The following RASSF5 variants were observed in gnomAD, a reference collection of about 807,000 sequenced individuals.
RASSF5 encodes the protein Ras association domain family member 5.
A neutral mutation model predicts 40.5 loss-of-function variants in RASSF5; 25 were observed. The ratio of observed to expected loss-of-function variants is 0.62; its 90% confidence interval spans 0.45 to 0.86. RASSF5 has a LOEUF of 0.86. RASSF5 is among the 40% of genes least tolerant of loss of function. The probability of loss-of-function intolerance (pLI) is 0.00; values close to 1 mark genes in which losing one functional copy is unlikely to be tolerated. For synonymous variants in RASSF5, 246 were observed against 252.4 expected (o/e 0.97, Z 0.24); for missense variants, 521 against 572.8 (o/e 0.91, Z 0.92).
intron 2 of RASSF5, among the ~76,000 whole-genome samples, chr1:206,582,171 G>C (rs1408775013): frequency 1.3e-5 from 2 of 152,200 alleles, no homozygotes; most frequent in Non-Finnish European, 2.9e-5. Context: ...GTGAACTTGA[G>C]AGAGAGCCAG....
chr1:206,557,458 A>G, intron 2 of RASSF5: 1 of 1,475,608 alleles, frequency 6.8e-7, no homozygotes, highest in East Asian at 2.5e-5. Context: ...CTCGGGGCTC[A>G]GAGCTAGGGG....
chr1:206,555,622 C>A (rs1189293255), intron 2 of RASSF5, among the ~76,000 whole-genome samples: 13 of 152,212 alleles, frequency 8.5e-5, no homozygotes, highest in Non-Finnish European at 1.3e-4. Context: ...CGGTAGCTCA[C>A]CCCAGCCCCG....
intron 1 of RASSF5, among the ~76,000 whole-genome samples, chr1:206,537,706 G>A (rs1238932090): frequency 1.3e-5 from 2 of 152,138 alleles, no homozygotes; most frequent in Admixed American, 1.3e-4. Flanking sequence ...GGAGCATCTT[G>A]GAGATCTGAT....
chr1:206,555,360 G>A (rs1404028639), intron 2 of RASSF5, among the ~76,000 whole-genome samples: 1 of 144,434 alleles, frequency 6.9e-6, no homozygotes, highest in Non-Finnish European at 1.6e-5. Context: ...CAGAGAATCT[G>A]GGGCCTGTTT....
chr1:206,572,651 G>A (rs531930670), intron 2 of RASSF5: 1 of 152,170 alleles, frequency 6.6e-6, no homozygotes, highest in South Asian at 2.1e-4. Context: ...AGCAGGCATC[G>A]TGCCACAGGC....
In RASSF5 at chr1:206,587,364, CTT is replaced by C. The variant is rs1669160226; in HGVS notation, c.*388_*389del. ...TGTTCTTTCTCTGGCATTGATTCCT[CTT>C]TGAGTTCTCTTACTTGCCACGTACA... On this transcript the variant is annotated 3_prime_UTR_variant, in exon 6 of 6. Coordinates refer to ENST00000579436, the MANE Select transcript of RASSF5 (RefSeq NM_182663.4). The C allele has an allele frequency of 3.2e-6, 1 of 315,966 alleles. No homozygotes were observed. Among genetic ancestry groups the C allele is most frequent in the Non-Finnish European group, 6.1e-6 (1 of 162,968 alleles). 19.6% of individuals were successfully genotyped at this position (315,966 alleles called of 1,614,324 possible).
intron 1 of RASSF5, among the ~76,000 whole-genome samples, chr1:206,524,071 A>G (rs12131099): frequency 4.2e-4 from 29 of 69,368 alleles, no homozygotes; most frequent in Admixed American, 1.4e-3. Flanking sequence ...AACATATATA[A>G]TATATTTTAT....
intron 2 of RASSF5, among the ~76,000 whole-genome samples, chr1:206,565,959 C>T (rs114328925): frequency 0.011 from 1,733 of 152,300 alleles, 36 homozygotes; most frequent in African/African-American, 0.039. Flanking sequence ...TAACCCATGA[C>T]AGGCAGGGGA....
intron 1 of RASSF5, among the ~76,000 whole-genome samples, chr1:206,523,821 ATTATATATAATATATT>A (rs1356985961): frequency 6.6e-5 from 7 of 106,072 alleles, no homozygotes; most frequent in Non-Finnish European, 1.0e-4. Context: ...TATTTTATAT[ATTATATATAATATATT>A]TTATATATAC....
At chr1:206,561,025 C>T (rs1668122826) in intron 2 of RASSF5, among the ~76,000 whole-genome samples, 1 of 152,186 alleles carries the variant, frequency 6.6e-6, no homozygotes, top group Admixed American at 6.5e-5. Flanking sequence ...CCATTTAAGG[C>T]TTTGACATCT....
chr1:206,539,748 A>G (rs1007259215), intron 2 of RASSF5, among the ~76,000 whole-genome samples: 4 of 152,196 alleles, frequency 2.6e-5, no homozygotes, highest in Non-Finnish European at 4.4e-5. Context: ...CTGGCCCCCA[A>G]AAGTGCTGAT....
At position 206,584,252 on chromosome 1, in the gene RASSF5, G is replaced by A. The variant is rs1433834755; in HGVS notation, c.691-135G>A. 4 of 821,510 alleles carry A rather than the reference G, an allele frequency of 4.9e-6. No homozygotes were observed. Among genetic ancestry groups the A allele is most frequent in the Non-Finnish European group, 7.5e-6 (4 of 530,156 alleles). The allele number at this position is 821,510 out of a possible 1,614,324, so 50.9% of individuals were successfully genotyped here. On this transcript the variant is annotated intron_variant, in intron 3 of 5. Transcript: ENST00000579436. The surrounding 1 kb of genome is among the most constrained non-coding windows in gnomAD (Gnocchi z 4.9). Reference sequence around the variant, plus strand: ...AAAGGGATCTCTGCTCCTTCCTCCAGCTCTCCCACGTCAGCAGAGGCAGGA... The same window carrying A: ...AAAGGGATCTCTGCTCCTTCCTCCAACTCTCCCACGTCAGCAGAGGCAGGA...
chr1:206,586,073 C>G (rs1669099151), intron 5 of RASSF5: 1 of 152,272 alleles, frequency 6.6e-6, no homozygotes, highest in South Asian at 2.1e-4. Context: ...GGCTCTAGTT[C>G]CAGTTCTGCT....
intron 1 of RASSF5, among the ~76,000 whole-genome samples, chr1:206,526,616 A>C (rs1662669244): frequency 6.6e-6 from 1 of 152,106 alleles, no homozygotes; most frequent in Non-Finnish European, 1.5e-5. Context: ...AGGCTTGACT[A>C]TCACAGTCTC....
chr1:206,574,529 T>A (rs1383199372), intron 2 of RASSF5, among the ~76,000 whole-genome samples: 1 of 152,224 alleles, frequency 6.6e-6, no homozygotes, highest in Non-Finnish European at 1.5e-5. Context: ...CACCTCTTTT[T>A]TCCCTCTGCT....
intron 1 of RASSF5, among the ~76,000 whole-genome samples, chr1:206,527,649 C>T (rs539071087): frequency 1.3e-5 from 2 of 152,184 alleles, no homozygotes; most frequent in African/African-American, 4.8e-5. Context: ...GTGGCACATC[C>T]CAGGCCCTCC....
chr1:206,517,520 C>G (rs116801350), intron 1 of RASSF5, among the ~76,000 whole-genome samples: 1 of 152,118 alleles, frequency 6.6e-6, no homozygotes, highest in East Asian at 1.9e-4. Context: ...TTAAGCTGGT[C>G]CCCGCTGGTG....
chr1:206,577,248 T>C (rs1037843360), intron 2 of RASSF5, among the ~76,000 whole-genome samples: 12 of 152,116 alleles, frequency 7.9e-5, no homozygotes, highest in Non-Finnish European at 1.6e-4. Flanking sequence ...ACAGAAAAAG[T>C]TTGCCAACCA....
At chr1:206,539,612 C>A (rs1327611707) in intron 2 of RASSF5, among the ~76,000 whole-genome samples, 1 of 152,184 alleles carries the variant, frequency 6.6e-6, no homozygotes, top group Non-Finnish European at 1.5e-5. Context: ...CTCTGCACAT[C>A]GCTCCACAGA....
Sources: gnomAD v4.1 joint callset for allele counts (sites outside exome capture counted in the v4.1 genomes callset) on GRCh38, gnomAD v4.1.1 for gene constraint, Gnocchi (gnomAD v3.1) non-coding constraint, MANE v1.5 for transcripts, NCBI Gene and HGNC (gene_info 2026-07-23, HGNC 2026-07-21) for gene names.